Variants in ARFGEF3 observed in about 807,000 individuals in gnomAD.
ARFGEF3 encodes the protein ARFGEF family member 3.
In ARFGEF3, 96 loss-of-function variants were observed where a neutral mutation model predicts 221.7. The observed-to-expected ratio is 0.43, with a 90% CI of 0.37 to 0.51. The LOEUF (loss-of-function observed/expected upper bound fraction) is 0.51. ARFGEF3 is among the 20% of genes least tolerant of loss of function. The pLI, the probability that ARFGEF3 is intolerant of heterozygous loss-of-function variation, is 0.00. For synonymous variants in ARFGEF3, 1,145 were observed against 1,126.8 expected (o/e 1.02, Z -0.32); for missense variants, 2,410 against 2,789.9 (o/e 0.86, Z 3.07).
At chr6:138,327,974 G>A (rs1453013375) in intron 31 of ARFGEF3, 47 bp from the exon 32 acceptor site, 1 of 1,516,676 alleles carries the variant, frequency 6.6e-7, no homozygotes, top group Admixed American at 2.0e-5. Context: ...GACAGGTCAA[G>A]CAGAGGACAC....
chr6:138,315,618 G>A (rs890519907), intron 26 of ARFGEF3, among the ~76,000 whole-genome samples: 18 of 152,118 alleles, frequency 1.2e-4, no homozygotes, highest in Non-Finnish European at 1.9e-4. Flanking sequence ...TTGGGAGGCC[G>A]AGGCCGGTGG....
chr6:138,308,862 G>A lies in ARFGEF3; in HGVS notation c.4096+1G>A. ...CTTATGAAGTTTGTCAAAGGACTGGGTAAGCAGAACCCTTCTCTCATGCCT... is the reference window on the plus strand; with the variant it reads ...CTTATGAAGTTTGTCAAAGGACTGGATAAGCAGAACCCTTCTCTCATGCCT... On this transcript the variant is annotated splice_donor_variant, in intron 24 of 33. Coordinates refer to ENST00000251691, the MANE Select transcript of ARFGEF3 (RefSeq NM_020340.5). LOFTEE classifies it high-confidence loss of function. 6.2e-7 allele frequency: 1 copy of A among 1,613,976 alleles called. No homozygotes were observed. The highest frequency in any genetic ancestry group is 8.5e-7 in the Non-Finnish European group (1 of 1,179,874).
chr6:138,292,762 C>T (rs1157528176), intron 19 of ARFGEF3, among the ~76,000 whole-genome samples: 1 of 152,228 alleles, frequency 6.6e-6, no homozygotes, highest in African/African-American at 2.4e-5. Flanking sequence ...TGACTTTGCA[C>T]TCCCCAGCTG....
In ARFGEF3 at chr6:138,280,152, A is replaced by G. The variant is rs774722193; in HGVS notation, c.2449A>G (p.Thr817Ala). 23 of 1,613,518 alleles carry G rather than the reference A, an allele frequency of 1.4e-5. No individual in the cohort carries two copies. In the Admixed American group the frequency reaches 3.7e-4, roughly 26 times the overall value. The change falls in exon 14 of 34, where the codon ACA becomes GCA. Residue 817 changes from threonine (T) to alanine (A), a missense_variant. Around this residue, in one of 5 missense-constraint regions of ARFGEF3, gnomAD observed 594 missense variants for 734.3 expected, o/e 0.81. Coordinates refer to ENST00000251691, the MANE Select transcript of ARFGEF3 (RefSeq NM_020340.5). ...AGAAGATAACAGCCTTCCCCTCATC[A>G]CAATGCTGACCGGTCAGTGGTTCGT... is the stretch of plus-strand genomic sequence containing the variant. ...SPEDNSLPLITMLTDIDGLES... is the reference protein window; with the variant it reads ...SPEDNSLPLIAMLTDIDGLES...
At chr6:138,267,983 T>C (rs1049151317) in intron 12 of ARFGEF3, among the ~76,000 whole-genome samples, 5 of 152,222 alleles carry the variant, frequency 3.3e-5, no homozygotes, top group Admixed American at 1.3e-4. Flanking sequence ...TGGACTCTCT[T>C]TCCAAATTAC....
chr6:138,251,276 T>TC (rs1778577653), intron 8 of ARFGEF3, among the ~76,000 whole-genome samples: 1 of 152,196 alleles, frequency 6.6e-6, no homozygotes, highest in African/African-American at 2.4e-5. Flanking sequence ...TGTCTATAGT[T>TC]GTTTTCGTTT....
chr6:138,175,750 T>G (rs1776932463), intron 2 of ARFGEF3, among the ~76,000 whole-genome samples: 1 of 152,244 alleles, frequency 6.6e-6, no homozygotes, highest in Non-Finnish European at 1.5e-5. Context: ...TGTAAATGTC[T>G]GTTAGGTCCA....
At chr6:138,170,194 A>T (rs77363042) in intron 1 of ARFGEF3, among the ~76,000 whole-genome samples, 1,834 of 152,350 alleles carry the variant, frequency 0.012, 35 homozygotes, top group African/African-American at 0.042. Flanking sequence ...TTTTAAAAAA[A>T]GTTTAATCTA....
At chr6:138,205,879 G>A (rs542905179) in intron 2 of ARFGEF3, among the ~76,000 whole-genome samples, 4 of 152,184 alleles carry the variant, frequency 2.6e-5, no homozygotes, top group South Asian at 2.1e-4. Context: ...TCGCTTCATC[G>A]GTTATGAAGC....
In ARFGEF3 at chr6:138,162,781, G is replaced by A. The variant is rs1413084039; in HGVS notation, c.85+610G>A. On this transcript the variant is annotated intron_variant, in intron 1 of 33. Transcript: ENST00000251691. This position sits in a 1 kb window ranked among gnomAD's most constrained non-coding sequence, Gnocchi z 4.7. ...CTAGCGTTGAAGTAAGTTCCAGGGA[G>A]CAAATTTGTGTTTCTCATCAGACTC... Among the ~76,000 whole-genome samples the A allele has an allele frequency of 2.0e-5, 3 of 152,180 alleles. No homozygotes were observed. Among genetic ancestry groups the A allele is most frequent in the African/African-American group, 7.2e-5 (3 of 41,438 alleles).
intron 14 of ARFGEF3, among the ~76,000 whole-genome samples, chr6:138,281,196 G>A (rs1292332260): frequency 6.6e-6 from 1 of 152,140 alleles, no homozygotes; most frequent in African/African-American, 2.4e-5. Context: ...AGCAGGGGCT[G>A]GGCAGATGTC....
At position 138,286,908 on chromosome 6, in the gene ARFGEF3, G is replaced by A. The variant is rs772218890; in HGVS notation, c.2777G>A (p.Cys926Tyr). Reference protein sequence around the residue: ...DGLRKAARLSCALGVAANCAS... With the variant: ...DGLRKAARLSYALGVAANCAS... ...CTGCGGAAAGCCGCACGGCTGAGCT[G>A]CGCTCTAGGTACCAGCGGGAGTAGT... The change falls in exon 16 of 34, where the codon TGC becomes TAC. Residue 926 changes from cysteine to tyrosine, a missense_variant. Transcript: ENST00000251691. The A allele has an allele frequency of 1.2e-6, 2 of 1,612,922 alleles. No individual in the cohort carries two copies. Among genetic ancestry groups the A allele is most frequent in the Non-Finnish European group, 1.7e-6 (2 of 1,179,870 alleles).
intron 12 of ARFGEF3, among the ~76,000 whole-genome samples, chr6:138,273,499 T>C: frequency 6.6e-6 from 1 of 152,226 alleles, no homozygotes; most frequent in Non-Finnish European, 1.5e-5. Flanking sequence ...TCTTATAGTT[T>C]CTTACTCTAA....
intron 21 of ARFGEF3, among the ~76,000 whole-genome samples, chr6:138,297,169 CT>C (rs1490123744): frequency 2.0e-5 from 3 of 152,216 alleles, no homozygotes; most frequent in Non-Finnish European, 4.4e-5. Flanking sequence ...CCTAGTCTCA[CT>C]CTGACCCTCT....
At chr6:138,215,203 T>A (rs1284512721) in intron 4 of ARFGEF3, among the ~76,000 whole-genome samples, 1 of 152,120 alleles carries the variant, frequency 6.6e-6, no homozygotes, top group Non-Finnish European at 1.5e-5. Flanking sequence ...TAACCTTTAG[T>A]GAGGTTATTA....
At chr6:138,173,267 C>T (rs1055985784) in intron 2 of ARFGEF3, among the ~76,000 whole-genome samples, 1 of 151,856 alleles carries the variant, frequency 6.6e-6, no homozygotes, top group Non-Finnish European at 1.5e-5. Flanking sequence ...AGAATTACAG[C>T]CTTCACAATT....
chr6:138,244,502 C>T (rs372426828), intron 7 of ARFGEF3, among the ~76,000 whole-genome samples: 1 of 152,228 alleles, frequency 6.6e-6, no homozygotes, highest in African/African-American at 2.4e-5. Context: ...CAAGCTCACA[C>T]AATCAGCAGT....
intron 4 of ARFGEF3, among the ~76,000 whole-genome samples, chr6:138,218,891 G>C (rs1447764178): frequency 6.6e-6 from 1 of 152,122 alleles, no homozygotes. Flanking sequence ...GCTTGTTACA[G>C]ATTAAACTTG....
At chr6:138,298,576 T>G in intron 21 of ARFGEF3, 30 bp from the exon 22 acceptor site, 1 of 1,594,912 alleles carries the variant, frequency 6.3e-7, no homozygotes, top group Non-Finnish European at 8.6e-7. Flanking sequence ...GCTGTCCTGA[T>G]GGTGAGCCAC....
Sources: allele counts gnomAD v4.1 joint callset (sites outside exome capture counted in the v4.1 genomes callset), GRCh38; gene constraint gnomAD v4.1.1; regional missense constraint gnomAD v4.1.1; non-coding constraint Gnocchi (gnomAD v3.1); transcripts MANE v1.5; gene names NCBI Gene and HGNC (gene_info 2026-07-23, HGNC 2026-07-21).